The following PRKG1 variants were observed in gnomAD, a reference collection of about 807,000 sequenced individuals.
PRKG1 encodes cGMP-dependent protein kinase 1.
A neutral mutation model predicts 88.1 loss-of-function variants in PRKG1; 35 were observed. The ratio of observed to expected loss-of-function variants is 0.40; its 90% CI spans 0.30 to 0.53. The LOEUF (loss-of-function observed/expected upper bound fraction) is 0.53. Ranked by LOEUF, PRKG1 falls within the 20% of genes least tolerant of loss-of-function variation. The pLI, the probability that PRKG1 is intolerant of heterozygous loss-of-function variation, is 0.59. For synonymous variants in PRKG1, 303 were observed against 292.5 expected, an observed-to-expected ratio of 1.04 and a Z score of -0.37; for missense variants, 540 against 839.8, an observed-to-expected ratio of 0.64 and a Z score of 4.41.
At position 51,319,856 on chromosome 10, in the gene PRKG1, G is replaced by T. The variant is rs554697490; in HGVS notation, c.479-147867G>T. The T allele has an allele frequency of 2.6e-5, 4 of 155,058 alleles. No individual in the cohort carries two copies. In the Admixed American group the frequency reaches 2.6e-4, roughly 10 times the overall value. 9.6% of individuals were successfully genotyped at this position (155,058 alleles called of 1,614,324 possible). ...TGCTGCTCTTCACGACCATGTCCAA[G>T]ACTCTGAAAAAGTTTGTGGAGAGCC... On this transcript the variant is annotated intron_variant, in intron 2 of 17. Coordinates refer to ENST00000373980, the MANE Select transcript of PRKG1 (RefSeq NM_006258.4).
chr10:52,190,507 C>A (rs1053385254), intron 9 of PRKG1, among the ~76,000 whole-genome samples: 1 of 152,046 alleles, frequency 6.6e-6, no homozygotes, highest in East Asian at 1.9e-4. Context: ...ACGTGTCAAG[C>A]ATGAATTACC....
At chr10:51,820,924 A>G (rs1839727545) in intron 4 of PRKG1, among the ~76,000 whole-genome samples, 1 of 152,196 alleles carries the variant, frequency 6.6e-6, no homozygotes, top group Non-Finnish European at 1.5e-5. Flanking sequence ...GAATGTTTAC[A>G]TATTTATATA....
At chr10:52,019,568 G>A (rs1845129185) in intron 5 of PRKG1, among the ~76,000 whole-genome samples, 1 of 152,164 alleles carries the variant, frequency 6.6e-6, no homozygotes, top group Non-Finnish European at 1.5e-5. Flanking sequence ...GCCAAGTTGA[G>A]GAGAATTTAA....
chr10:51,049,875 A>AT (rs1843540074), intron 1 of PRKG1, among the ~76,000 whole-genome samples: 1 of 152,182 alleles, frequency 6.6e-6, no homozygotes, highest in African/African-American at 2.4e-5. Context: ...AAGTACCCAT[A>AT]TGCATGGCAT....
At chr10:51,398,915 T>C (rs527581879) in intron 2 of PRKG1, among the ~76,000 whole-genome samples, 1 of 152,266 alleles carries the variant, frequency 6.6e-6, no homozygotes. Context: ...CAGCTCTTCT[T>C]GGTTGTGGAG....
At chr10:51,483,187 A>AT (rs1406154882) in intron 3 of PRKG1, among the ~76,000 whole-genome samples, 2 of 151,798 alleles carry the variant, frequency 1.3e-5, no homozygotes, top group Non-Finnish European at 2.9e-5. Flanking sequence ...CGACTGGCTA[A>AT]TTTTTTGTAT....
chr10:51,920,433 A>G (rs971685915), intron 5 of PRKG1, among the ~76,000 whole-genome samples: 2 of 152,146 alleles, frequency 1.3e-5, no homozygotes, highest in Non-Finnish European at 2.9e-5. Flanking sequence ...CCGATTTCCC[A>G]GTTACAGTTT....
At chr10:51,688,942 G>A (rs1841065209) in intron 3 of PRKG1, among the ~76,000 whole-genome samples, 1 of 152,096 alleles carries the variant, frequency 6.6e-6, no homozygotes, top group Non-Finnish European at 1.5e-5. Context: ...CTGAATCATG[G>A]GGGTGGTCTT....
chr10:51,801,145 C>A (rs1487175107), intron 3 of PRKG1, among the ~76,000 whole-genome samples: 3 of 152,084 alleles, frequency 2.0e-5, no homozygotes, highest in African/African-American at 7.2e-5. Context: ...GACCAGGAAT[C>A]AGCAAGTATT....
rs1299975759 is a variant in PRKG1, at chr10:52,090,625, G to T, written c.935+27994G>T. 2.6e-5 allele frequency among the ~76,000 whole-genome samples: 4 copies of T among 152,278 alleles called. No individual in the cohort carries two copies. The East Asian group carries it at 7.7e-4, about 29-fold the overall frequency. ...TAAGGTGAAAGGGGATATTTGCATA[G>T]CCTTAAACTATCTCCCTCAATATAT... On this transcript the variant is annotated intron_variant, in intron 7 of 17. Coordinates refer to ENST00000373980, the MANE Select transcript of PRKG1 (RefSeq NM_006258.4).
Position 51,760,094 on chromosome 10 carries a change from A to G in PRKG1, c.593-44491A>G, listed in dbSNP as rs115469599. Among the ~76,000 whole-genome samples the G allele has an allele frequency of 3.0e-3, 451 of 152,342 alleles. 3 individuals carry two copies. The highest frequency in any genetic ancestry group is 0.01 in the African/African-American group (424 of 41,584). ...TCTAAGGCACTGCAGAGCACAGTCT[A>G]AAAATGACTAATCTACCACTATTTT... is the stretch of plus-strand genomic sequence containing the variant. On this transcript the variant is annotated intron_variant, in intron 3 of 17. Transcript: ENST00000373980.
At chr10:52,050,132 A>T (rs951049918) in intron 5 of PRKG1, among the ~76,000 whole-genome samples, 4 of 151,958 alleles carry the variant, frequency 2.6e-5, no homozygotes, top group South Asian at 4.1e-4. Context: ...GAAAAGTAGG[A>T]TATAACTAGG....
intron 3 of PRKG1, among the ~76,000 whole-genome samples, chr10:51,561,081 TA>T (rs36052441): frequency 2.7e-5 from 4 of 149,052 alleles, no homozygotes; most frequent in Non-Finnish European, 5.9e-5. Context: ...ACCCTGTATC[TA>T]AAAAAAAGAA....
chr10:51,811,570 G>A (rs558601165), intron 4 of PRKG1, among the ~76,000 whole-genome samples: 1 of 152,142 alleles, frequency 6.6e-6, no homozygotes, highest in Non-Finnish European at 1.5e-5. Flanking sequence ...TCAGTGAGGA[G>A]AGCTGCCTCA....
chr10:51,029,910 G>A (rs1477760030), intron 1 of PRKG1, among the ~76,000 whole-genome samples: 1 of 152,018 alleles, frequency 6.6e-6, no homozygotes, highest in Non-Finnish European at 1.5e-5. Flanking sequence ...TTCTCATGTG[G>A]GGAAGATTAT....
Position 51,696,311 on chromosome 10 carries a change from G to A in PRKG1, c.593-108274G>A, listed in dbSNP as rs562734741. On this transcript the variant is annotated intron_variant, in intron 3 of 17. Transcript: ENST00000373980. ...GAGCAAATGGACACCATCTGTATAA[G>A]AAAGCCAGATACCAAGAAACTGAGA... 17 of 151,316 alleles carry A rather than the reference G, an allele frequency of 1.1e-4. No homozygotes were observed. The South Asian group carries it at 3.4e-3, about 30-fold the overall frequency. The allele number at this position is 151,316 out of a possible 1,614,324, so 9.4% of individuals were successfully genotyped here.
intron 5 of PRKG1, 173 bp downstream of exon 5, chr10:51,907,743 C>T (rs1842118131): frequency 2.0e-6 from 1 of 498,288 alleles, no homozygotes; most frequent in Non-Finnish European, 3.5e-6. Context: ...TCATGTCTGA[C>T]ATTTATATGC....
intron 1 of PRKG1, among the ~76,000 whole-genome samples, chr10:51,094,711 G>A (rs11596711): frequency 2.0e-5 from 3 of 152,066 alleles, no homozygotes; most frequent in African/African-American, 7.2e-5. Flanking sequence ...AAAAGCTGCC[G>A]AAACCCTTGT....
At chr10:51,137,549 T>G (rs1256489221) in intron 1 of PRKG1, among the ~76,000 whole-genome samples, 1 of 152,214 alleles carries the variant, frequency 6.6e-6, no homozygotes, top group African/African-American at 2.4e-5. Flanking sequence ...ACTTGAATGC[T>G]ATGACTCTGT....
Sources: gnomAD v4.1 joint callset for allele counts (sites outside exome capture counted in the v4.1 genomes callset) on GRCh38, gnomAD v4.1.1 for gene constraint, MANE v1.5 for transcripts, NCBI Gene and HGNC (gene_info 2026-07-23, HGNC 2026-07-21) for gene names.